ENTREP2: variants seen among roughly 807,000 people sequenced by gnomAD.
ENTREP2 encodes endosomal transmembrane epsin interactor 2.
the ENTREP2 span, among the ~76,000 whole-genome samples, chr15:29,448,409 C>T: frequency 8.5e-5 from 13 of 152,194 alleles, no homozygotes; most frequent in Non-Finnish European, 1.5e-4. Context: ...TCACCTACTT[C>T]CAGAACGTCA....
At chr15:29,354,148 C>G in the ENTREP2 span, among the ~76,000 whole-genome samples, 4 of 152,170 alleles carry the variant, frequency 2.6e-5, no homozygotes, top group Non-Finnish European at 5.9e-5. Flanking sequence ...AGAGGAAGGG[C>G]GCCGTCTCTC....
the ENTREP2 span, among the ~76,000 whole-genome samples, chr15:29,246,973 G>GCACACACACA: frequency 3.9e-3 from 532 of 137,080 alleles, 5 homozygotes; most frequent in East Asian, 0.033. Context: ...GACTGGAAAG[G>GCACACACACA]CACACACACA....
At chr15:29,307,423 G>C in the ENTREP2 span, among the ~76,000 whole-genome samples, 1 of 152,200 alleles carries the variant, frequency 6.6e-6, no homozygotes, top group Admixed American at 6.5e-5. Flanking sequence ...AGGTAGATCA[G>C]GCATTGGATA....
chr15:29,548,032 A>G, the ENTREP2 span, among the ~76,000 whole-genome samples: 5 of 152,188 alleles, frequency 3.3e-5, no homozygotes, highest in African/African-American at 1.2e-4. Flanking sequence ...AACCAAATTC[A>G]TAGAAACAGA....
chr15:29,224,380 G>T, the ENTREP2 span, among the ~76,000 whole-genome samples: 1 of 152,146 alleles, frequency 6.6e-6, no homozygotes, highest in Non-Finnish European at 1.5e-5. Context: ...CCACACTTGT[G>T]GAAGGGAACT....
chr15:29,478,213 G>A, the ENTREP2 span, among the ~76,000 whole-genome samples: 1 of 151,186 alleles, frequency 6.6e-6, no homozygotes, highest in Non-Finnish European at 1.5e-5. Context: ...TTTTTTAGTA[G>A]AAACAGAGTT....
chr15:29,131,205 T>C, the ENTREP2 span, among the ~76,000 whole-genome samples: 5 of 152,002 alleles, frequency 3.3e-5, no homozygotes, highest in Middle Eastern at 3.4e-3. Context: ...CCAGCGATTA[T>C]GGAAAATGTG....
the ENTREP2 span, among the ~76,000 whole-genome samples, chr15:29,157,861 CTGGG>C: frequency 6.6e-6 from 1 of 151,864 alleles, no homozygotes; most frequent in Non-Finnish European, 1.5e-5. Context: ...TCCCGAGTAG[CTGGG>C]ATTACAGGCA....
At chr15:29,124,728 T>C in the ENTREP2 span, 7 of 1,550,566 alleles carry the variant, frequency 4.5e-6, no homozygotes, top group Non-Finnish European at 6.1e-6. Flanking sequence ...TTCCAGGTCC[T>C]GGCTACACGA....
chr15:29,281,244 T>C, the ENTREP2 span, among the ~76,000 whole-genome samples: 1 of 152,234 alleles, frequency 6.6e-6, no homozygotes, highest in Non-Finnish European at 1.5e-5. Flanking sequence ...CATTGTAATT[T>C]ATTATCCATT....
At chr15:29,341,214 C>A in the ENTREP2 span, among the ~76,000 whole-genome samples, 1 of 152,330 alleles carries the variant, frequency 6.6e-6, no homozygotes, top group East Asian at 1.9e-4. Flanking sequence ...ATCTAGAATT[C>A]CTAATTTCCA....
chr15:29,674,445 T>G, the ENTREP2 span, among the ~76,000 whole-genome samples: 1 of 152,034 alleles, frequency 6.6e-6, no homozygotes, highest in South Asian at 2.1e-4. Flanking sequence ...AATTTTTGTA[T>G]TTTTAGTTGA....
chr15:29,487,475 C>T, the ENTREP2 span, among the ~76,000 whole-genome samples: 3 of 152,228 alleles, frequency 2.0e-5, no homozygotes, highest in Non-Finnish European at 4.4e-5. Flanking sequence ...CCAACCCCCT[C>T]GCTCTCTCTA....
the ENTREP2 span, among the ~76,000 whole-genome samples, chr15:29,322,119 AT>A: frequency 8.5e-5 from 13 of 152,140 alleles, no homozygotes; most frequent in Admixed American, 8.5e-4. Flanking sequence ...TATTTTTCTT[AT>A]TTTTTTAAAA....
the ENTREP2 span, among the ~76,000 whole-genome samples, chr15:29,287,383 C>CAAACA: frequency 8.8e-6 from 1 of 113,114 alleles, no homozygotes; most frequent in Non-Finnish European, 1.7e-5. Context: ...GCAAGACCAG[C>CAAACA]AAAAAAAAAA....
At chr15:29,396,595 G>A in the ENTREP2 span, among the ~76,000 whole-genome samples, 1 of 152,088 alleles carries the variant, frequency 6.6e-6, no homozygotes, top group South Asian at 2.1e-4. Context: ...GTCCTTTGAT[G>A]CACAAGTTTT....
chr15:29,423,076 T>C, the ENTREP2 span, among the ~76,000 whole-genome samples: 100 of 152,314 alleles, frequency 6.6e-4, 1 homozygote, highest in African/African-American at 2.3e-3. Flanking sequence ...TATACCCTTT[T>C]CATGCAGAGT....
At chr15:29,599,591 A>G in the ENTREP2 span, among the ~76,000 whole-genome samples, 9 of 152,334 alleles carry the variant, frequency 5.9e-5, no homozygotes, top group African/African-American at 1.9e-4. Flanking sequence ...CTATTTCCTC[A>G]TGTGGAAACT....
the ENTREP2 span, among the ~76,000 whole-genome samples, chr15:29,136,108 C>T: frequency 1.4e-3 from 212 of 152,372 alleles, 2 homozygotes; most frequent in African/African-American, 5.0e-3. Flanking sequence ...CCCGGGCTGG[C>T]GTCTCTGCAG....
Sources: gnomAD v4.1 joint callset for allele counts (sites outside exome capture counted in the v4.1 genomes callset) on GRCh38, gnomAD v4.1.1 for gene constraint, MANE v1.5 for transcripts, NCBI Gene and HGNC (gene_info 2026-07-23, HGNC 2026-07-21) for gene names.